The following HSP90AA1 variants were observed in gnomAD, a reference collection of about 807,000 sequenced individuals.
The protein encoded by HSP90AA1 is heat shock protein HSP 90-alpha.
Under a neutral mutation model 73.3 loss-of-function variants are expected in HSP90AA1, and 18 were observed. The observed-to-expected ratio is 0.25, with a 90% CI of 0.17 to 0.36. The LOEUF is 0.36. Ranked by LOEUF, HSP90AA1 falls within the 10% of genes least tolerant of loss-of-function variation. The pLI, the probability that HSP90AA1 is intolerant of heterozygous loss-of-function variation, is 1.00. For missense variants in HSP90AA1, 704 were observed against 874.2 expected, an observed-to-expected ratio of 0.81 and a Z score of 2.45; for synonymous variants, 477 against 296.9, an observed-to-expected ratio of 1.61 and a Z score of -6.24.
At chr14:102,118,363 G>A (rs2049732911) in intron 1 of HSP90AA1, among the ~76,000 whole-genome samples, 1 of 151,832 alleles carries the variant, frequency 6.6e-6, no homozygotes, top group Non-Finnish European at 1.5e-5. Context: ...TAGAAAGAAT[G>A]TCCATACTCT....
chr14:102,103,317 C>T (rs1282700822), intron 1 of HSP90AA1, among the ~76,000 whole-genome samples: 2 of 147,462 alleles, frequency 1.4e-5, no homozygotes, highest in African/African-American at 5.0e-5. Context: ...TTAAGCGAGT[C>T]TCCTACCTCC....
rs191117771 is a variant in HSP90AA1, at chr14:102,081,154, T to C, written c.*558A>G. On this transcript the variant is annotated 3_prime_UTR_variant, in exon 11 of 11. Transcript: ENST00000216281. ...GAGTTATTTTTGAACAGCTTTACGA[T>C]ATGCTTAGGTAGGCTTTTAACTTTG... The C allele has an allele frequency of 1.3e-3, 309 of 232,398 alleles. 9 individuals are homozygous for C. Among genetic ancestry groups the C allele is most frequent in the Non-Finnish European group, 3.1e-4 (36 of 117,008 alleles). 14.4% of individuals were successfully genotyped at this position (232,398 alleles called of 1,614,324 possible).
chr14:102,138,609 C>T (rs2050101969), intron 1 of HSP90AA1, among the ~76,000 whole-genome samples: 1 of 151,872 alleles, frequency 6.6e-6, no homozygotes, highest in South Asian at 2.1e-4. Flanking sequence ...CTTTTTAATA[C>T]GGAAGATGTT....
At position 102,085,888 on chromosome 14, in the gene HSP90AA1, C is replaced by G; in HGVS notation, c.399G>C (p.Gln133His). ...QAGADISMIG[Q>H]FGVGFYSAYL... ...AAGCAGAATAAAAACCAACACCGAA[C>G]TGGCCAATCATAGAGATATCTGCAC... Residue 133 changes from glutamine to histidine, a missense_variant, in exon 3 of 11, where the codon CAG (glutamine) becomes CAC (histidine). Coordinates refer to ENST00000216281, the MANE Select transcript of HSP90AA1 (RefSeq NM_005348.4). 1 of 1,613,966 alleles carries G rather than the reference C, an allele frequency of 6.2e-7. No individual in the cohort carries two copies. Among genetic ancestry groups the G allele is most frequent in the Non-Finnish European group, 8.5e-7 (1 of 1,179,868 alleles).
intron 1 of HSP90AA1, among the ~76,000 whole-genome samples, chr14:102,130,299 T>C (rs1434839034): frequency 6.6e-6 from 1 of 152,134 alleles, no homozygotes; most frequent in Non-Finnish European, 1.5e-5. Context: ...CTCTTGGGTA[T>C]ATACATACGA....
chr14:102,100,311 C>A (rs1016147586), intron 2 of HSP90AA1, among the ~76,000 whole-genome samples: 5 of 152,274 alleles, frequency 3.3e-5, no homozygotes, highest in Middle Eastern at 3.4e-3. Context: ...GAGCGTCAGG[C>A]TCACAGTGAA....
At chr14:102,135,741 G>A (rs1239188661) in intron 1 of HSP90AA1, among the ~76,000 whole-genome samples, 1 of 152,248 alleles carries the variant, frequency 6.6e-6, no homozygotes, top group East Asian at 1.9e-4. Context: ...CACCTCCGCA[G>A]CCACTGGCCC....
At chr14:102,125,219 C>A (rs2152625280) in intron 1 of HSP90AA1, among the ~76,000 whole-genome samples, 1 of 152,260 alleles carries the variant, frequency 6.6e-6, no homozygotes, top group South Asian at 2.1e-4. Context: ...GTCTCCAACT[C>A]CTGGGCTGAA....
At chr14:102,090,625 A>T (rs2049344118), upstream of HSP90AA1, among the ~76,000 whole-genome samples, 1 of 151,794 alleles carries the variant, frequency 6.6e-6, no homozygotes, top group Non-Finnish European at 1.5e-5. Flanking sequence ...AATTTTTTGT[A>T]TTCTTTAAGT....
At chr14:102,125,690 G>A (rs1317103145) in intron 1 of HSP90AA1, among the ~76,000 whole-genome samples, 3 of 152,334 alleles carry the variant, frequency 2.0e-5, no homozygotes, top group East Asian at 3.9e-4. Context: ...AAGCATGCAT[G>A]AGCATATTTT....
chr14:102,137,687 A>G (rs1173778075), intron 1 of HSP90AA1, among the ~76,000 whole-genome samples: 2 of 152,116 alleles, frequency 1.3e-5, no homozygotes, highest in Non-Finnish European at 2.9e-5. Context: ...AGGAAAAGTT[A>G]TGAGATAAAA....
In HSP90AA1 at chr14:102,086,084, C is replaced by T; in HGVS notation, c.203G>A (p.Ser68Asn). 1 of 1,613,968 alleles carries T rather than the reference C, an allele frequency of 6.2e-7. No homozygotes were observed. Among genetic ancestry groups the T allele is most frequent in the Non-Finnish European group, 8.5e-7 (1 of 1,179,916 alleles). Residue 68 changes from serine to asparagine, a missense_variant, in exon 3 of 11, where the codon AGT becomes AAT. Ser to Asn is a conservative substitution (Grantham distance 46). Coordinates refer to ENST00000216281, the MANE Select transcript of HSP90AA1 (RefSeq NM_005348.4). Reference protein sequence around the residue: ...KIRYESLTDPSKLDSGKELHI... With the variant: ...KIRYESLTDPNKLDSGKELHI... ...CAGCTCTTTCCCAGAGTCTAATTTA[C>T]TGGGATCTGTCAAGCTTTCATACCG... is the stretch of plus-strand genomic sequence containing the variant.
At chr14:102,137,735 G>A (rs1481944599) in intron 1 of HSP90AA1, among the ~76,000 whole-genome samples, 2 of 152,072 alleles carry the variant, frequency 1.3e-5, no homozygotes, top group Admixed American at 1.3e-4. Context: ...CTATGCATGG[G>A]ACTGGGCACT....
At chr14:102,107,512 A>G (rs1446298241) in intron 1 of HSP90AA1, among the ~76,000 whole-genome samples, 1 of 151,956 alleles carries the variant, frequency 6.6e-6, no homozygotes, top group African/African-American at 2.4e-5. Context: ...TTTAATAGCA[A>G]TGGGGTTTCA....
chr14:102,138,146 G>A (rs2050068967), intron 1 of HSP90AA1, among the ~76,000 whole-genome samples: 1 of 152,094 alleles, frequency 6.6e-6, no homozygotes, highest in East Asian at 1.9e-4. Flanking sequence ...TAGGTATTAT[G>A]GGAAATACAA....
intron 1 of HSP90AA1, among the ~76,000 whole-genome samples, chr14:102,133,256 G>C (rs1423201613): frequency 6.6e-6 from 1 of 151,796 alleles, no homozygotes; most frequent in African/African-American, 2.4e-5. Flanking sequence ...CTCCAGCCTG[G>C]GCAACAAGAG....
chr14:102,097,257 A>G (rs998756983), intron 2 of HSP90AA1, among the ~76,000 whole-genome samples: 2 of 151,754 alleles, frequency 1.3e-5, no homozygotes, highest in Non-Finnish European at 2.9e-5. Flanking sequence ...AAGTGCTGGG[A>G]TTACAGGTAT....
At chr14:102,100,188 GA>G (rs1187807921) in intron 2 of HSP90AA1, among the ~76,000 whole-genome samples, 1 of 151,546 alleles carries the variant, frequency 6.6e-6, no homozygotes, top group Non-Finnish European at 1.5e-5. Flanking sequence ...ACTCTGTCTC[GA>G]AAAAAAAAGA....
upstream of HSP90AA1, chr14:102,087,199 C>G (rs1413976588): frequency 1.5e-5 from 15 of 981,442 alleles, no homozygotes; most frequent in Non-Finnish European, 1.8e-5. Flanking sequence ...CACCCCGCCC[C>G]CGCGCCTTCC....
Sources: allele counts gnomAD v4.1 joint callset (sites outside exome capture counted in the v4.1 genomes callset), GRCh38; gene constraint gnomAD v4.1.1; transcripts MANE v1.5; gene names NCBI Gene and HGNC (gene_info 2026-07-23, HGNC 2026-07-21).